The following GABRG2 variants were observed in gnomAD, a reference collection of about 807,000 sequenced individuals.
GABRG2 encodes the protein gamma-aminobutyric acid type A receptor subunit gamma2.
Under a neutral mutation model 56.4 loss-of-function variants are expected in GABRG2, and 16 were observed. That is an observed-to-expected ratio of 0.28 (90% CI 0.19 to 0.43). The LOEUF (loss-of-function observed/expected upper bound fraction) is 0.43. Among genes scored for constraint, GABRG2 ranks in the 20% least tolerant of loss-of-function variants. GABRG2 has a pLI of 1.00. For missense variants in GABRG2, 327 were observed against 582.7 expected (o/e 0.56, Z 4.52); for synonymous variants, 208 against 205.5 (o/e 1.01, Z -0.10).
intron 1 of GABRG2, among the ~76,000 whole-genome samples, chr5:162,089,171 A>C (rs1760367703): frequency 6.6e-6 from 1 of 152,082 alleles, no homozygotes. Context: ...GAGCAGAGGA[A>C]AGGTTGAAGG....
chr5:162,109,565 A>G (rs1762112729), intron 6 of GABRG2, among the ~76,000 whole-genome samples: 1 of 151,604 alleles, frequency 6.6e-6, no homozygotes, highest in South Asian at 2.1e-4. Context: ...CAGTCACCAG[A>G]CTAATAGTCA....
chr5:162,072,362 A>C (rs1758738542), intron 1 of GABRG2, among the ~76,000 whole-genome samples: 1 of 151,986 alleles, frequency 6.6e-6, no homozygotes, highest in African/African-American at 2.4e-5. Flanking sequence ...ATACATACTT[A>C]TCGTTCTCCA....
At chr5:162,095,862 A>T (rs1183232975) in intron 3 of GABRG2, among the ~76,000 whole-genome samples, 3 of 152,058 alleles carry the variant, frequency 2.0e-5, no homozygotes, top group Non-Finnish European at 2.9e-5. Flanking sequence ...AGGATATAGT[A>T]CTCAACTACT....
At chr5:162,109,420 A>ATATATATATATATTTATTTATTTATT (rs1424412323) in intron 6 of GABRG2, among the ~76,000 whole-genome samples, 1 of 116,122 alleles carries the variant, frequency 8.6e-6, no homozygotes, top group African/African-American at 3.2e-5. Flanking sequence ...ATATATATAT[A>ATATATATATATATTTATTTATTTATT]TATTTATTTA....
intron 6 of GABRG2, among the ~76,000 whole-genome samples, chr5:162,118,903 A>G (rs972661047): frequency 6.6e-6 from 1 of 152,140 alleles, no homozygotes; most frequent in Admixed American, 6.6e-5. Flanking sequence ...AAAGAATGCT[A>G]TACTCAGAGG....
intron 6 of GABRG2, among the ~76,000 whole-genome samples, chr5:162,128,112 G>T (rs1291663511): frequency 6.6e-6 from 1 of 151,964 alleles, no homozygotes; most frequent in Non-Finnish European, 1.5e-5. Flanking sequence ...CAGAAGAAGG[G>T]AAACTCCTCT....
intron 1 of GABRG2, among the ~76,000 whole-genome samples, chr5:162,069,717 C>G (rs925410437): frequency 2.6e-5 from 4 of 151,958 alleles, no homozygotes; most frequent in African/African-American, 9.7e-5. Context: ...TATGAGAGGG[C>G]CTTTTACTGG....
At chr5:162,152,462 C>T in intron 9 of GABRG2, 1 of 481,704 alleles carries the variant, frequency 2.1e-6, no homozygotes, top group South Asian at 1.6e-5. Flanking sequence ...ACCTTCTTTT[C>T]TCAATTTCCA....
chr5:162,085,325 A>C (rs1013176900), intron 1 of GABRG2, among the ~76,000 whole-genome samples: 6 of 151,992 alleles, frequency 3.9e-5, no homozygotes, highest in African/African-American at 1.4e-4. Flanking sequence ...AAGTGAAAAT[A>C]CTATTTTTAA....
rs2113651413 is a variant in GABRG2, at chr5:162,153,302, G to C, written c.1362G>C (p.Arg454=). The C allele has an allele frequency of 6.2e-7, 1 of 1,614,020 alleles. No individual in the cohort carries two copies. Among genetic ancestry groups the C allele is most frequent in the African/African-American group, 1.3e-5 (1 of 75,020 alleles). Residue 454 remains arginine (R), a synonymous_variant, in exon 10 of 10, where the codon CGG becomes CGC. Coordinates refer to ENST00000639213, the MANE Select transcript of GABRG2 (RefSeq NM_198904.4). The part of the protein sequence containing the change: ...IRIAKMDSYA[R]IFFPTAFCLF... ...TTGCCAAAATGGACTCCTATGCTCG[G>C]ATCTTCTTCCCCACTGCCTTCTGCC...
intron 8 of GABRG2, chr5:162,149,598 T>A: frequency 1.4e-6 from 1 of 739,784 alleles, no homozygotes; most frequent in South Asian, 1.4e-5. Context: ...GACCTTCTTC[T>A]TGTTGCTATT....
intron 6 of GABRG2, among the ~76,000 whole-genome samples, chr5:162,119,131 C>T (rs569391657): frequency 7.9e-5 from 12 of 152,042 alleles, no homozygotes; most frequent in Admixed American, 2.6e-4. Flanking sequence ...TTAGACTCCA[C>T]ACAGAGATAT....
At chr5:162,101,505 G>A in intron 5 of GABRG2, 188 bp downstream of exon 5, 5 of 613,764 alleles carry the variant, frequency 8.1e-6, no homozygotes, top group Non-Finnish European at 1.2e-5. Flanking sequence ...TCCTGCAAAA[G>A]AAGGGCTGAT....
intron 8 of GABRG2, 84 bp from the exon 9 acceptor site, chr5:162,151,646 C>T (rs1456131217): frequency 1.7e-6 from 2 of 1,176,306 alleles, no homozygotes; most frequent in East Asian, 2.4e-5. Flanking sequence ...TTTAATTTAT[C>T]TTGTCTCTCT....
intron 1 of GABRG2, among the ~76,000 whole-genome samples, chr5:162,072,479 A>C (rs1398303396): frequency 6.6e-6 from 1 of 152,076 alleles, no homozygotes; most frequent in African/African-American, 2.4e-5. Context: ...GCACAATTCA[A>C]ATGCTTAAAG....
At chr5:162,095,689 G>A in intron 3 of GABRG2, 127 bp downstream of exon 3, 1 of 683,102 alleles carries the variant, frequency 1.5e-6, no homozygotes, top group Non-Finnish European at 2.6e-6. Context: ...GTGAAAGATA[G>A]TCTTCCAGAT....
At chr5:162,110,274 T>C (rs1762161495) in intron 6 of GABRG2, among the ~76,000 whole-genome samples, 1 of 152,138 alleles carries the variant, frequency 6.6e-6, no homozygotes, top group African/African-American at 2.4e-5. Flanking sequence ...AAAGTATACA[T>C]ATACTGTATC....
In GABRG2 at chr5:162,148,965, A is replaced by G. The variant is rs1046207221; in HGVS notation, c.923-143A>G. The G allele has an allele frequency of 4.5e-5, 33 of 730,632 alleles. No individual in the cohort carries two copies. In the South Asian group the frequency reaches 4.8e-4, roughly 11 times the overall value. 45.3% of individuals were successfully genotyped at this position (730,632 alleles called of 1,614,324 possible). On this transcript the variant is annotated intron_variant, in intron 7 of 9. Transcript: ENST00000639213. ...ACAGGCAATAAATATTTGTAAATAGAGTGAATTAAATCCACTTATACCTCC... is the reference window on the plus strand; with the variant it reads ...ACAGGCAATAAATATTTGTAAATAGGGTGAATTAAATCCACTTATACCTCC...
intron 6 of GABRG2, among the ~76,000 whole-genome samples, chr5:162,140,386 A>G (rs373598247): frequency 6.6e-6 from 1 of 152,110 alleles, no homozygotes; most frequent in Non-Finnish European, 1.5e-5. Context: ...GGGACAGTCT[A>G]CTCCCTCAAA....
Sources: allele counts gnomAD v4.1 joint callset (sites outside exome capture counted in the v4.1 genomes callset), GRCh38; gene constraint gnomAD v4.1.1; transcripts MANE v1.5; gene names NCBI Gene and HGNC (gene_info 2026-07-23, HGNC 2026-07-21).